GALNTL6: variants seen among roughly 807,000 people sequenced by gnomAD.
GALNTL6 encodes polypeptide N-acetylgalactosaminyltransferase-like 6.
In GALNTL6, 46 loss-of-function variants were observed where a neutral mutation model predicts 73.7. The ratio of observed to expected loss-of-function variants is 0.62; its 90% CI spans 0.49 to 0.80. The LOEUF is 0.80. Ranked by LOEUF, GALNTL6 falls within the 30% of genes least tolerant of loss-of-function variation. The pLI, the probability that GALNTL6 is intolerant of heterozygous loss-of-function variation, is 0.00. For missense variants in GALNTL6, 604 were observed against 755.0 expected (o/e 0.80, Z 2.34); for synonymous variants, 259 against 263.7 (o/e 0.98, Z 0.17).
chr4:171,873,916 C>A (rs552918080), intron 2 of GALNTL6, among the ~76,000 whole-genome samples: 2 of 152,218 alleles, frequency 1.3e-5, no homozygotes, highest in Admixed American at 6.5e-5. Flanking sequence ...TGTCAAAAAT[C>A]TTTCAATTTG....
rs200062698 is a variant in GALNTL6, at chr4:172,331,177, C to A, written c.387-17346C>A. Among the ~76,000 whole-genome samples the A allele has an allele frequency of 8.2e-4, 123 of 150,652 alleles. 2 individuals are homozygous for A. In the South Asian group the frequency reaches 0.016, roughly 19 times the overall value. ...TTCTTTTAATGGTTGATTTTTAAAA[C>A]TTTATTTTATTTTACTCTCATCAGA... On this transcript the variant is annotated intron_variant, in intron 4 of 12. Transcript: ENST00000506823.
intron 2 of GALNTL6, among the ~76,000 whole-genome samples, chr4:172,151,860 C>G (rs1313695535): frequency 1.3e-5 from 2 of 151,118 alleles, no homozygotes; most frequent in Admixed American, 6.6e-5. Context: ...GCCTACATGC[C>G]TTTTCCATAT....
intron 2 of GALNTL6, among the ~76,000 whole-genome samples, chr4:172,193,007 A>C (rs1449055641): frequency 2.6e-5 from 4 of 152,174 alleles, no homozygotes; most frequent in Admixed American, 2.6e-4. Context: ...TTATGGATAG[A>C]ACTCTGATCT....
chr4:172,795,096 A>T (rs1740192393), intron 5 of GALNTL6, among the ~76,000 whole-genome samples: 2 of 152,206 alleles, frequency 1.3e-5, no homozygotes, highest in East Asian at 3.9e-4. Flanking sequence ...GAGTAGGTAA[A>T]TGAGACAGAA....
chr4:172,467,875 CTTCTT>C (rs1294391821), intron 5 of GALNTL6, among the ~76,000 whole-genome samples: 2 of 89,704 alleles, frequency 2.2e-5, no homozygotes, highest in Non-Finnish European at 4.7e-5. Flanking sequence ...TCCTTCTTTC[CTTCTT>C]TTCTTTTCTT....
intron 5 of GALNTL6, among the ~76,000 whole-genome samples, chr4:172,360,731 C>A (rs534071105): frequency 6.6e-6 from 1 of 152,254 alleles, no homozygotes; most frequent in South Asian, 2.1e-4. Flanking sequence ...ATAACCTACA[C>A]CACAACTGTT....
chr4:172,344,347 G>T (rs946146200), intron 4 of GALNTL6, among the ~76,000 whole-genome samples: 1 of 152,158 alleles, frequency 6.6e-6, no homozygotes, highest in South Asian at 2.1e-4. Context: ...CAATGCCTGA[G>T]CTTGGCAGTG....
Position 172,734,981 on chromosome 4 carries a change from G to A in GALNTL6, c.554-74380G>A, listed in dbSNP as rs76922155. Among the ~76,000 whole-genome samples the A allele has an allele frequency of 1.0e-3, 155 of 152,336 alleles. 3 individuals carry two copies. In the East Asian group the frequency reaches 0.026, roughly 26 times the overall value. On this transcript the variant is annotated intron_variant, in intron 5 of 12. Transcript: ENST00000506823. ...CTCTGACTAGATTTCAAAGGCAGGG[G>A]TGTGCTGCAGGGTTGTAGCCCTTAT...
chr4:172,557,964 T>A (rs574033687), intron 5 of GALNTL6, among the ~76,000 whole-genome samples: 3 of 152,016 alleles, frequency 2.0e-5, no homozygotes, highest in Non-Finnish European at 4.4e-5. Flanking sequence ...GAAGCTTAAA[T>A]AATAAAACCC....
At chr4:172,390,355 T>C (rs910724679) in intron 5 of GALNTL6, among the ~76,000 whole-genome samples, 1 of 152,194 alleles carries the variant, frequency 6.6e-6, no homozygotes, top group African/African-American at 2.4e-5. Context: ...AATGCTCCCT[T>C]ACTCATGCTT....
chr4:171,913,577 T>A (rs1345450708), intron 2 of GALNTL6, among the ~76,000 whole-genome samples: 2 of 152,224 alleles, frequency 1.3e-5, no homozygotes, highest in African/African-American at 2.4e-5. Context: ...ATTTTTCATA[T>A]AAATCTATAT....
intron 3 of GALNTL6, among the ~76,000 whole-genome samples, chr4:172,294,246 C>A (rs1002782341): frequency 3.3e-5 from 5 of 151,916 alleles, no homozygotes; most frequent in Non-Finnish European, 7.4e-5. Context: ...CCAATGGCTT[C>A]TTTATTTTCT....
chr4:172,540,051 CTT>C (rs70944413), intron 5 of GALNTL6, among the ~76,000 whole-genome samples: 8 of 129,174 alleles, frequency 6.2e-5, no homozygotes, highest in African/African-American at 2.8e-5. Context: ...TTCTTTCTTT[CTT>C]TTTTTTTTTT....
At chr4:172,761,297 A>G (rs1297659374) in intron 5 of GALNTL6, among the ~76,000 whole-genome samples, 1 of 152,208 alleles carries the variant, frequency 6.6e-6, no homozygotes, top group African/African-American at 2.4e-5. Flanking sequence ...TGTGTGCTTC[A>G]CTAGCAAACC....
intron 3 of GALNTL6, among the ~76,000 whole-genome samples, chr4:172,266,714 G>C (rs1329844869): frequency 6.6e-6 from 1 of 151,928 alleles, no homozygotes; most frequent in Non-Finnish European, 1.5e-5. Flanking sequence ...TATTTTTAAA[G>C]GTTAATTAGC....
At chr4:172,262,363 T>C (rs1738286589) in intron 3 of GALNTL6, among the ~76,000 whole-genome samples, 1 of 151,530 alleles carries the variant, frequency 6.6e-6, no homozygotes, top group Admixed American at 6.6e-5. Context: ...AATTACTTTT[T>C]TTTATCATTA....
intron 2 of GALNTL6, among the ~76,000 whole-genome samples, chr4:171,856,568 T>C (rs1040773251): frequency 1.3e-5 from 2 of 152,214 alleles, no homozygotes; most frequent in Admixed American, 1.3e-4. Context: ...AGGCCTGTGA[T>C]CTATTTTGAG....
chr4:171,896,653 C>T (rs568612501), intron 2 of GALNTL6, among the ~76,000 whole-genome samples: 55 of 152,258 alleles, frequency 3.6e-4, no homozygotes, highest in African/African-American at 1.1e-3. Context: ...TGGCCTCTTT[C>T]GTAACACTAA....
At chr4:172,710,261 T>C (rs1454572372) in intron 5 of GALNTL6, among the ~76,000 whole-genome samples, 2 of 152,160 alleles carry the variant, frequency 1.3e-5, no homozygotes, top group Non-Finnish European at 2.9e-5. Flanking sequence ...AAAAATGTTC[T>C]TATATTTTGA....
Sources: allele counts gnomAD v4.1 joint callset (sites outside exome capture counted in the v4.1 genomes callset), GRCh38; gene constraint gnomAD v4.1.1; transcripts MANE v1.5; gene names NCBI Gene and HGNC (gene_info 2026-07-23, HGNC 2026-07-21).